Variants in FXR1 observed in about 807,000 individuals in gnomAD.
FXR1 encodes the protein FMR1 autosomal homolog 1.
FXR1 carries 15 observed loss-of-function variants against 84.0 expected under a neutral mutation model. The ratio of observed to expected loss-of-function variants is 0.18; its 90% confidence interval spans 0.12 to 0.27. The LOEUF (loss-of-function observed/expected upper bound fraction) is 0.27, where lower values mean the gene tolerates loss of function less well. Ranked by LOEUF, FXR1 falls within the 10% of genes least tolerant of loss-of-function variation. The pLI, the probability that FXR1 is intolerant of heterozygous loss-of-function variation, is 1.00. For synonymous variants in FXR1, 245 were observed against 250.7 expected (o/e 0.98, Z 0.21); for missense variants, 480 against 774.4 (o/e 0.62, Z 4.51).
intron 3 of FXR1, among the ~76,000 whole-genome samples, chr3:180,939,762 G>A (rs1479442807): frequency 6.6e-6 from 1 of 152,168 alleles, no homozygotes; most frequent in African/African-American, 2.4e-5. Context: ...AGAGGGTTTG[G>A]TCAGTTTTGT....
At chr3:180,919,719 A>G (rs1362274527) in intron 1 of FXR1, among the ~76,000 whole-genome samples, 4 of 150,536 alleles carry the variant, frequency 2.7e-5, no homozygotes, top group East Asian at 4.0e-4. Context: ...TGTTGCCCAG[A>G]CTGGAGTGCA....
intron 13 of FXR1, among the ~76,000 whole-genome samples, chr3:180,965,825 G>GT (rs1270235969): frequency 6.6e-6 from 1 of 152,150 alleles, no homozygotes; most frequent in African/African-American, 2.4e-5. Flanking sequence ...CTCAATATCT[G>GT]TTTTACCTGC....
At chr3:180,953,500 T>C (rs1246794186) in intron 8 of FXR1, among the ~76,000 whole-genome samples, 5 of 152,220 alleles carry the variant, frequency 3.3e-5, no homozygotes, top group Non-Finnish European at 5.9e-5. Flanking sequence ...ACACTAAATT[T>C]CTCAGCAGCT....
At chr3:180,920,081 G>C (rs1156385718) in intron 1 of FXR1, among the ~76,000 whole-genome samples, 1 of 152,170 alleles carries the variant, frequency 6.6e-6, no homozygotes, top group African/African-American at 2.4e-5. Context: ...TAGTAAAATA[G>C]CTGATGAAGT....
intron 1 of FXR1, among the ~76,000 whole-genome samples, chr3:180,932,874 C>T (rs534357112): frequency 1.3e-5 from 2 of 152,296 alleles, no homozygotes; most frequent in East Asian, 3.9e-4. Context: ...ACTTCATTTA[C>T]TTCTGATAAA....
intron 2 of FXR1, among the ~76,000 whole-genome samples, chr3:180,934,681 T>A (rs1720324260): frequency 6.6e-6 from 1 of 152,230 alleles, no homozygotes; most frequent in African/African-American, 2.4e-5. Context: ...ATTACACAGT[T>A]TATATTGTTT....
At chr3:180,924,725 C>G (rs986303820) in intron 1 of FXR1, among the ~76,000 whole-genome samples, 14 of 152,120 alleles carry the variant, frequency 9.2e-5, no homozygotes, top group Non-Finnish European at 1.9e-4. Flanking sequence ...CTCCTGACCT[C>G]AGGTGATCCA....
chr3:180,931,711 GT>G (rs1719920573), intron 1 of FXR1, among the ~76,000 whole-genome samples: 1 of 147,968 alleles, frequency 6.8e-6, no homozygotes, highest in African/African-American at 2.5e-5. Context: ...CTAACACAGA[GT>G]ATGCCCTTAA....
intron 13 of FXR1, among the ~76,000 whole-genome samples, chr3:180,965,211 T>G (rs1712666735): frequency 6.6e-6 from 1 of 151,990 alleles, no homozygotes; most frequent in East Asian, 1.9e-4. Context: ...AGACAGGGTT[T>G]CTCCATGTTG....
chr3:180,971,082 T>C (rs1203816113), intron 15 of FXR1: 2 of 1,231,946 alleles, frequency 1.6e-6, no homozygotes, highest in Admixed American at 5.3e-5. Context: ...CAGATGATAG[T>C]GAAAAAAAAC....
chr3:180,917,087 C>T (rs564735454), intron 1 of FXR1, among the ~76,000 whole-genome samples: 96 of 152,276 alleles, frequency 6.3e-4, no homozygotes, highest in African/African-American at 1.7e-3. Context: ...CTGTCCGCCT[C>T]GGCGTCCCAA....
chr3:180,931,864 C>T (rs1719955211), intron 1 of FXR1, among the ~76,000 whole-genome samples: 1 of 150,316 alleles, frequency 6.7e-6, no homozygotes, highest in Non-Finnish European at 1.5e-5. Context: ...CCTCAGCCTT[C>T]CAAGTAGCTG....
At chr3:180,912,879 C>A in intron 1 of FXR1, 143 bp downstream of exon 1, 1 of 1,448,586 alleles carries the variant, frequency 6.9e-7, no homozygotes, top group Non-Finnish European at 9.6e-7. Context: ...TTGCTTCTCC[C>A]CCCTCCACCC....
At chr3:180,947,295 C>T (rs1449862801) in intron 3 of FXR1, among the ~76,000 whole-genome samples, 4 of 152,198 alleles carry the variant, frequency 2.6e-5, no homozygotes, top group African/African-American at 9.6e-5. Flanking sequence ...TATCCACCCA[C>T]CTTGGCCTCC....
intron 3 of FXR1, among the ~76,000 whole-genome samples, chr3:180,939,281 C>T (rs1233342184): frequency 6.6e-6 from 1 of 151,974 alleles, no homozygotes; most frequent in Non-Finnish European, 1.5e-5. Context: ...GGTGGTAATC[C>T]TTTTAGGTTG....
At chr3:180,921,720 G>A (rs1342389456) in intron 1 of FXR1, among the ~76,000 whole-genome samples, 2 of 151,468 alleles carry the variant, frequency 1.3e-5, no homozygotes, top group Non-Finnish European at 3.0e-5. Flanking sequence ...TATGGAAAAC[G>A]TGTTGGCTGA....
intron 1 of FXR1, among the ~76,000 whole-genome samples, chr3:180,923,595 T>C (rs575931679): frequency 1.3e-5 from 2 of 152,074 alleles, no homozygotes; most frequent in Non-Finnish European, 2.9e-5. Flanking sequence ...TATGAATCTT[T>C]TAAATTACTT....
intron 13 of FXR1, among the ~76,000 whole-genome samples, chr3:180,966,911 T>C (rs547568004): frequency 3.2e-4 from 49 of 152,328 alleles, no homozygotes; most frequent in African/African-American, 1.2e-3. Flanking sequence ...GTATCTGACA[T>C]TTGAGTTACA....
intron 1 of FXR1, among the ~76,000 whole-genome samples, chr3:180,920,380 G>C (rs1340067159): frequency 6.6e-6 from 1 of 152,110 alleles, no homozygotes; most frequent in Non-Finnish European, 1.5e-5. Flanking sequence ...GGTTCAAACT[G>C]AATTTAAATG....
Sources: gnomAD v4.1 joint callset for allele counts (sites outside exome capture counted in the v4.1 genomes callset) on GRCh38, gnomAD v4.1.1 for gene constraint, MANE v1.5 for transcripts, NCBI Gene and HGNC (gene_info 2026-07-23, HGNC 2026-07-21) for gene names.